The following EPHA3 variants were observed in gnomAD, a reference collection of about 807,000 sequenced individuals.
EPHA3 encodes EPH receptor A3.
A neutral mutation model predicts 107.1 loss-of-function variants in EPHA3; 42 were observed. That is an observed-to-expected ratio of 0.39 (90% confidence interval 0.31 to 0.51). EPHA3 has a LOEUF of 0.51. EPHA3 is among the 20% of genes least tolerant of loss of function. The pLI is 0.78. For synonymous variants in EPHA3, 461 were observed against 424.8 expected (o/e 1.09, Z -1.05); for missense variants, 1,183 against 1,211.2 (o/e 0.98, Z 0.35).
At chr3:89,249,406 A>T (rs181812139) in intron 3 of EPHA3, among the ~76,000 whole-genome samples, 1 of 152,194 alleles carries the variant, frequency 6.6e-6, no homozygotes, top group Non-Finnish European at 1.5e-5. Flanking sequence ...AGTTTCATTC[A>T]TCGTTATTAG....
chr3:89,415,971 A>AT (rs575863896), intron 10 of EPHA3, among the ~76,000 whole-genome samples: 124 of 150,420 alleles, frequency 8.2e-4, no homozygotes, highest in East Asian at 3.3e-3. Flanking sequence ...TCTTCATAGT[A>AT]TTTTTTTTTG....
chr3:89,336,503 G>T (rs936227416), intron 3 of EPHA3, among the ~76,000 whole-genome samples: 16 of 152,016 alleles, frequency 1.1e-4, no homozygotes, highest in African/African-American at 3.9e-4. Context: ...GCTTGTTAGA[G>T]AAAAATACAT....
chr3:89,383,639 C>CCT (rs1708553469), intron 5 of EPHA3, among the ~76,000 whole-genome samples: 8 of 87,962 alleles, frequency 9.1e-5, no homozygotes, highest in Non-Finnish European at 6.9e-5. Context: ...ACTTCTTCTT[C>CCT]TTTTTTTTTT....
intron 3 of EPHA3, among the ~76,000 whole-genome samples, chr3:89,269,077 C>T (rs1188277486): frequency 3.9e-5 from 6 of 152,184 alleles, no homozygotes; most frequent in South Asian, 2.1e-4. Flanking sequence ...CAATCTACTT[C>T]GAGTGTTGCT....
intron 3 of EPHA3, among the ~76,000 whole-genome samples, chr3:89,228,241 A>G (rs1402087268): frequency 6.6e-6 from 1 of 151,962 alleles, no homozygotes; most frequent in Non-Finnish European, 1.5e-5. Context: ...AGTGTGTATA[A>G]TTGGCAATGT....
chr3:89,174,613 G>T (rs1367394722), intron 2 of EPHA3, among the ~76,000 whole-genome samples: 1 of 151,830 alleles, frequency 6.6e-6, no homozygotes, highest in Non-Finnish European at 1.5e-5. Context: ...TCCCTGTCTT[G>T]AATGTAAATC....
chr3:89,374,944 T>C (rs1229805322), intron 5 of EPHA3, among the ~76,000 whole-genome samples: 3 of 151,848 alleles, frequency 2.0e-5, no homozygotes, highest in Non-Finnish European at 4.4e-5. Flanking sequence ...CATTCCACTA[T>C]AGCAACTGTA....
chr3:89,237,980 G>A (rs78076950), intron 3 of EPHA3, among the ~76,000 whole-genome samples: 2,263 of 143,610 alleles, frequency 0.016, 62 homozygotes, highest in African/African-American at 0.054. Context: ...CCATGTCTCA[G>A]GAAAAAAAAA....
chr3:89,355,006 C>G lies in EPHA3; in HGVS notation c.1306+12916C>G, dbSNP rs114599944. On this transcript the variant is annotated intron_variant, in intron 5 of 16. Transcript: ENST00000336596. Reference sequence around the variant, plus strand: ...AAAATTTCACATGATTGTATTTACTCTTAATCAATGCTAATTCAAAAGCAC... The same window carrying G: ...AAAATTTCACATGATTGTATTTACTGTTAATCAATGCTAATTCAAAAGCAC... 1.1e-3 allele frequency among the ~76,000 whole-genome samples: 167 copies of G among 151,082 alleles called. 4 individuals carry two copies. Among genetic ancestry groups the G allele is most frequent in the African/African-American group, 3.8e-3 (159 of 41,398 alleles).
In EPHA3 at chr3:89,254,818, T is replaced by G. The variant is rs548418788; in HGVS notation, c.814+44298T>G. On this transcript the variant is annotated intron_variant, in intron 3 of 16. Coordinates refer to ENST00000336596, the MANE Select transcript of EPHA3 (RefSeq NM_005233.6). Reference sequence around the variant, plus strand: ...CTAATGTTCAAGAGAGCTGGAAGCTTCAGTGCCCATCAGAACTGGCAAGAC... The same window carrying G: ...CTAATGTTCAAGAGAGCTGGAAGCTGCAGTGCCCATCAGAACTGGCAAGAC... 2.5e-3 allele frequency among the ~76,000 whole-genome samples: 379 copies of G among 152,338 alleles called. 2 individuals carry two copies. The highest frequency in any genetic ancestry group is 6.2e-3 in the African/African-American group (256 of 41,588).
At chr3:89,249,572 C>A (rs376136993) in intron 3 of EPHA3, among the ~76,000 whole-genome samples, 1 of 152,030 alleles carries the variant, frequency 6.6e-6, no homozygotes, top group African/African-American at 2.4e-5. Flanking sequence ...GCAATTCCCC[C>A]GCCTCAGCCT....
intron 3 of EPHA3, among the ~76,000 whole-genome samples, chr3:89,243,104 A>G (rs951508592): frequency 1.3e-5 from 2 of 152,002 alleles, no homozygotes; most frequent in African/African-American, 2.4e-5. Flanking sequence ...TTATGGCTGC[A>G]TAGTATTCCA....
intron 3 of EPHA3, among the ~76,000 whole-genome samples, chr3:89,264,742 T>C (rs1001105359): frequency 2.0e-5 from 3 of 152,154 alleles, no homozygotes; most frequent in Middle Eastern, 6.3e-3. Context: ...TCTCAGGAAA[T>C]ATTTATTGAA....
chr3:89,211,188 A>G (rs1168142937), intron 3 of EPHA3, among the ~76,000 whole-genome samples: 1 of 152,062 alleles, frequency 6.6e-6, no homozygotes, highest in Non-Finnish European at 1.5e-5. Flanking sequence ...TGCATATTTG[A>G]TATTAATATA....
At chr3:89,412,343 G>A (rs1288959065) in intron 9 of EPHA3, among the ~76,000 whole-genome samples, 1 of 151,510 alleles carries the variant, frequency 6.6e-6, no homozygotes, top group Non-Finnish European at 1.5e-5. Flanking sequence ...AATATAATAT[G>A]AAGGAGATTT....
intron 13 of EPHA3, among the ~76,000 whole-genome samples, chr3:89,433,147 A>G (rs1194498808): frequency 1.3e-5 from 2 of 152,116 alleles, no homozygotes; most frequent in African/African-American, 2.4e-5. Context: ...TTTGGCGTAT[A>G]TATTGCCCAA....
At chr3:89,450,050 T>C in intron 14 of EPHA3, 127 bp from the exon 15 acceptor site, 1 of 699,798 alleles carries the variant, frequency 1.4e-6, no homozygotes, top group Non-Finnish European at 2.3e-6. Context: ...TTTAGGCAAC[T>C]AAAAATGAGA....
At chr3:89,328,097 C>T (rs1354642066) in intron 3 of EPHA3, among the ~76,000 whole-genome samples, 3 of 150,726 alleles carry the variant, frequency 2.0e-5, no homozygotes, top group Non-Finnish European at 4.4e-5. Context: ...GACTCCATCT[C>T]AAAAAAAGAA....
Position 89,417,258 on chromosome 3 carries a change from T to G in EPHA3, c.1889-1947T>G, listed in dbSNP as rs116072381. ...AAGTTACTTAAAATCACACAGCTAA[T>G]ATGTGGCAGAGTCAGAATTGGACCC... On this transcript the variant is annotated intron_variant, in intron 10 of 16. Transcript: ENST00000336596. Among the ~76,000 whole-genome samples the G allele has an allele frequency of 5.5e-3, 828 of 151,572 alleles. 9 individuals are homozygous for G. The highest frequency in any genetic ancestry group is 0.019 in the African/African-American group (784 of 41,472).
Sources: allele counts gnomAD v4.1 joint callset (sites outside exome capture counted in the v4.1 genomes callset), GRCh38; gene constraint gnomAD v4.1.1; transcripts MANE v1.5; gene names NCBI Gene and HGNC (gene_info 2026-07-23, HGNC 2026-07-21).